The following EPRS1 variants were observed in gnomAD, a reference collection of about 807,000 sequenced individuals.
EPRS1 encodes the protein glutamyl-prolyl-tRNA synthetase 1.
A neutral mutation model predicts 188.3 loss-of-function variants in EPRS1; 107 were observed. The ratio of observed to expected loss-of-function variants is 0.57; its 90% CI spans 0.49 to 0.67. EPRS1 has a LOEUF of 0.67. Ranked by LOEUF, EPRS1 falls within the 30% of genes least tolerant of loss-of-function variation. The pLI, the probability that EPRS1 is intolerant of heterozygous loss-of-function variation, is 0.00. For synonymous variants in EPRS1, 596 were observed against 593.1 expected, an observed-to-expected ratio of 1.00 and a Z score of -0.07; for missense variants, 1,577 against 1,802.2, an observed-to-expected ratio of 0.88 and a Z score of 2.26.
At chr1:220,021,556 T>G (rs1661878741) in intron 9 of EPRS1, among the ~76,000 whole-genome samples, 1 of 152,224 alleles carries the variant, frequency 6.6e-6, no homozygotes, top group Non-Finnish European at 1.5e-5. Context: ...CATTATGCTT[T>G]GCAATTATTT....
chr1:219,987,826 A>G (rs1436797417), intron 19 of EPRS1, among the ~76,000 whole-genome samples: 1 of 152,216 alleles, frequency 6.6e-6, no homozygotes, highest in Non-Finnish European at 1.5e-5. Flanking sequence ...ATTTAAAGTA[A>G]ATAAAATTAA....
intron 23 of EPRS1, 58 bp downstream of exon 23, chr1:219,982,714 T>C: frequency 2.9e-6 from 4 of 1,378,250 alleles, no homozygotes; most frequent in Non-Finnish European, 4.1e-6. Context: ...GACTCAACTT[T>C]AGAGGCTGTC....
intron 30 of EPRS1, among the ~76,000 whole-genome samples, chr1:219,970,471 C>A (rs1660643635): frequency 1.3e-5 from 2 of 152,088 alleles, no homozygotes; most frequent in South Asian, 4.1e-4. Flanking sequence ...CACTGTCTAG[C>A]CTTCTATTAA....
chr1:220,028,143 CA>C (rs569318659), intron 6 of EPRS1, among the ~76,000 whole-genome samples: 77 of 152,068 alleles, frequency 5.1e-4, no homozygotes, highest in African/African-American at 1.8e-3. Context: ...AATGAAGGGC[CA>C]TAAGTTCCCA....
chr1:220,037,754 C>A (rs1455985930), intron 2 of EPRS1, among the ~76,000 whole-genome samples: 2 of 152,068 alleles, frequency 1.3e-5, no homozygotes, highest in Admixed American at 6.6e-5. Context: ...TTTGAGAATA[C>A]TGACTCCTAA....
chr1:219,981,256 TAAATA>T, intron 24 of EPRS1, 117 bp downstream of exon 24: 1 of 600,938 alleles, frequency 1.7e-6, no homozygotes, highest in East Asian at 2.9e-5. Context: ...CAATTTATCT[TAAATA>T]CTTCAAAAAC....
At chr1:220,027,589 CAAAAA>C (rs374947643) in intron 6 of EPRS1, among the ~76,000 whole-genome samples, 2 of 78,562 alleles carry the variant, frequency 2.5e-5, no homozygotes, top group Non-Finnish European at 4.6e-5. Flanking sequence ...GAGGCTATGT[CAAAAA>C]AAAAAAAAAA....
At position 220,007,454 on chromosome 1, in the gene EPRS1, A is replaced by G. The variant is rs114151558; in HGVS notation, c.1606-116T>C. On this transcript the variant is annotated intron_variant, in intron 13 of 31. Transcript: ENST00000366923. ...ATACAAAAGTCTTCTGTGTTACTAA[A>G]CTGTTAGCAGTTCATTGCTGTATTA... 756 of 942,856 alleles carry G rather than the reference A, an allele frequency of 8.0e-4. 5 individuals are homozygous for G. The African/African-American group carries it at 0.011, about 14-fold the overall frequency. The allele number at this position is 942,856 out of a possible 1,614,324, so 58.4% of individuals were successfully genotyped here.
At chr1:219,986,249 A>G (rs1267458553) in intron 20 of EPRS1, among the ~76,000 whole-genome samples, 1 of 152,250 alleles carries the variant, frequency 6.6e-6, no homozygotes. Flanking sequence ...CAGATAAAAA[A>G]TTACAATTAT....
chr1:220,030,614 C>T (rs1389087341), intron 5 of EPRS1, 134 bp from the exon 6 acceptor site: 2 of 648,386 alleles, frequency 3.1e-6, no homozygotes, highest in Non-Finnish European at 5.5e-6. Flanking sequence ...CATCCCTACA[C>T]TTGAGGGTAC....
intron 27 of EPRS1, among the ~76,000 whole-genome samples, chr1:219,979,020 C>T (rs1221378598): frequency 1.3e-5 from 2 of 151,976 alleles, no homozygotes; most frequent in African/African-American, 2.4e-5. Flanking sequence ...CATGCCACCA[C>T]ACCTGGCTAA....
At chr1:220,040,029 A>G (rs1374700271) in intron 2 of EPRS1, among the ~76,000 whole-genome samples, 156 bp downstream of exon 2, 1 of 152,148 alleles carries the variant, frequency 6.6e-6, no homozygotes, top group African/African-American at 2.4e-5. Flanking sequence ...GCTACTCGGG[A>G]GGCTGGGATG....
At chr1:219,981,713 C>G (rs1571657925) in intron 23 of EPRS1, among the ~76,000 whole-genome samples, 4 of 152,122 alleles carry the variant, frequency 2.6e-5, no homozygotes, top group Admixed American at 1.3e-4. Flanking sequence ...ATTTTACATT[C>G]TTCACATAAC....
chr1:220,021,522 T>C (rs1661878290), intron 9 of EPRS1, among the ~76,000 whole-genome samples: 1 of 152,198 alleles, frequency 6.6e-6, no homozygotes, highest in Admixed American at 6.5e-5. Flanking sequence ...ACTTTTAAGA[T>C]ACAACTTGAT....
intron 30 of EPRS1, among the ~76,000 whole-genome samples, chr1:219,970,448 A>G (rs1660643079): frequency 6.6e-6 from 1 of 152,136 alleles, no homozygotes; most frequent in Non-Finnish European, 1.5e-5. Context: ...ACACAGTGCT[A>G]CAGATGGCTA....
chr1:220,040,327 G>T, intron 1 of EPRS1, 58 bp from the exon 2 acceptor site: 1 of 1,157,732 alleles, frequency 8.6e-7, no homozygotes, highest in Non-Finnish European at 1.3e-6. Flanking sequence ...TTTATAACTT[G>T]AATCATAAAG....
intron 18 of EPRS1, among the ~76,000 whole-genome samples, chr1:219,994,629 G>C (rs1302589615): frequency 3.4e-5 from 5 of 148,600 alleles, no homozygotes; most frequent in East Asian, 2.0e-4. Context: ...AATATGCCGT[G>C]GTAACTTCTT....
At chr1:219,976,010 G>A (rs1660774065) in intron 28 of EPRS1, among the ~76,000 whole-genome samples, 1 of 152,124 alleles carries the variant, frequency 6.6e-6, no homozygotes, top group Non-Finnish European at 1.5e-5. Context: ...TCCTGGGCCA[G>A]GGTAGAAAAA....
intron 30 of EPRS1, among the ~76,000 whole-genome samples, chr1:219,971,038 A>T (rs907847737): frequency 1.3e-5 from 2 of 152,174 alleles, no homozygotes; most frequent in Admixed American, 1.3e-4. Context: ...AGCTTTACAT[A>T]AATTCATGCT....
Sources: allele counts gnomAD v4.1 joint callset (sites outside exome capture counted in the v4.1 genomes callset), GRCh38; gene constraint gnomAD v4.1.1; transcripts MANE v1.5; gene names NCBI Gene and HGNC (gene_info 2026-07-23, HGNC 2026-07-21).